SOX6: variants seen among roughly 807,000 people sequenced by gnomAD.
SOX6 encodes the protein SRY-box transcription factor 6.
SOX6 carries 11 observed loss-of-function variants against 97.8 expected under a neutral mutation model. The observed-to-expected ratio is 0.11, with a 90% CI of 0.07 to 0.19. SOX6 has a LOEUF of 0.19. Among genes scored for constraint, SOX6 ranks in the 10% least tolerant of loss-of-function variants. The probability of loss-of-function intolerance (pLI) is 1.00; values close to 1 mark genes in which losing one functional copy is unlikely to be tolerated. For synonymous variants in SOX6, 360 were observed against 371.4 expected (o/e 0.97, Z 0.35); for missense variants, 810 against 1,039.5 (o/e 0.78, Z 3.04).
At chr11:16,027,143 G>T (rs189264407) in intron 12 of SOX6, among the ~76,000 whole-genome samples, 1 of 151,988 alleles carries the variant, frequency 6.6e-6, no homozygotes, top group African/African-American at 2.4e-5. Flanking sequence ...CAAATGTAAC[G>T]ATAATACTCT....
chr11:16,461,917 T>C (rs1032824764), intron 1 of SOX6, among the ~76,000 whole-genome samples: 90 of 152,328 alleles, frequency 5.9e-4, no homozygotes, highest in Middle Eastern at 3.4e-3. Context: ...TTAATAATTA[T>C]GTCTAGACTC....
intron 2 of SOX6, among the ~76,000 whole-genome samples, chr11:16,721,710 C>T (rs1467695910): frequency 2.0e-5 from 3 of 148,792 alleles, no homozygotes; most frequent in Non-Finnish European, 4.4e-5. Flanking sequence ...TTGTAAGTTT[C>T]CTGAGGCCTC....
chr11:16,411,552 A>T (rs983179222), intron 1 of SOX6, among the ~76,000 whole-genome samples: 1 of 152,248 alleles, frequency 6.6e-6, no homozygotes, highest in Admixed American at 6.5e-5. Context: ...TAATGTTGGG[A>T]TTTTTAAGTA....
chr11:16,497,464 A>G (rs1223538001), intron 4 of SOX6, among the ~76,000 whole-genome samples: 1 of 152,190 alleles, frequency 6.6e-6, no homozygotes, highest in Non-Finnish European at 1.5e-5. Flanking sequence ...AAAGCTGGAC[A>G]GAGAATGACT....
At chr11:16,348,972 C>A (rs1856836582) in intron 1 of SOX6, among the ~76,000 whole-genome samples, 1 of 152,112 alleles carries the variant, frequency 6.6e-6, no homozygotes, top group African/African-American at 2.4e-5. Flanking sequence ...CACTCAGCAT[C>A]TAGAATTCTC....
intron 3 of SOX6, among the ~76,000 whole-genome samples, chr11:16,657,681 A>G (rs1043709551): frequency 3.3e-5 from 5 of 152,162 alleles, no homozygotes; most frequent in Admixed American, 3.3e-4. Context: ...AGCCATCCTA[A>G]TAAGTGTATA....
At chr11:16,658,401 T>C (rs1383339968) in intron 3 of SOX6, among the ~76,000 whole-genome samples, 1 of 152,180 alleles carries the variant, frequency 6.6e-6, no homozygotes, top group Admixed American at 6.5e-5. Context: ...CCTTTGTTGG[T>C]GATATGTATT....
At chr11:16,330,659 T>C (rs900694609) in intron 2 of SOX6, among the ~76,000 whole-genome samples, 4 of 152,184 alleles carry the variant, frequency 2.6e-5, no homozygotes, top group African/African-American at 7.2e-5. Flanking sequence ...GTACTCAAAC[T>C]ACCATATACA....
intron 4 of SOX6, among the ~76,000 whole-genome samples, chr11:16,209,899 A>G (rs559685804): frequency 6.6e-6 from 1 of 152,276 alleles, no homozygotes; most frequent in Non-Finnish European, 1.5e-5. Context: ...ACAAATTATT[A>G]TTGCTTTTTC....
chr11:16,158,789 T>C (rs1850667911), intron 6 of SOX6, among the ~76,000 whole-genome samples: 1 of 151,988 alleles, frequency 6.6e-6, no homozygotes, highest in Admixed American at 6.6e-5. Flanking sequence ...ACTTTTTCAA[T>C]TTATATTTGC....
intron 3 of SOX6, among the ~76,000 whole-genome samples, chr11:16,637,106 T>G (rs1229626896): frequency 6.6e-6 from 1 of 152,228 alleles, no homozygotes; most frequent in Non-Finnish European, 1.5e-5. Context: ...AACAAGCTTT[T>G]GGATTCTTGA....
intron 1 of SOX6, among the ~76,000 whole-genome samples, chr11:16,386,777 T>C (rs1858000880): frequency 6.6e-6 from 1 of 152,166 alleles, no homozygotes; most frequent in Non-Finnish European, 1.5e-5. Flanking sequence ...GGTCTCCCTT[T>C]TCCTTCATAG....
At chr11:16,537,576 G>C (rs1861329019) in intron 4 of SOX6, among the ~76,000 whole-genome samples, 1 of 152,038 alleles carries the variant, frequency 6.6e-6, no homozygotes, top group Admixed American at 6.6e-5. Context: ...TAAAAACCTT[G>C]AAAAAAGGTT....
chr11:16,468,945 C>T (rs1331279198), intron 1 of SOX6, among the ~76,000 whole-genome samples: 11 of 151,972 alleles, frequency 7.2e-5, no homozygotes, highest in African/African-American at 2.2e-4. Flanking sequence ...TGTTCCACCG[C>T]GCATGTTTCA....
intron 5 of SOX6, among the ~76,000 whole-genome samples, chr11:16,184,587 G>A (rs1009993616): frequency 1.3e-5 from 2 of 152,050 alleles, no homozygotes; most frequent in African/African-American, 4.8e-5. Context: ...TCATAGTACA[G>A]GATCTATATA....
chr11:16,078,083 T>C (rs1425771679), intron 9 of SOX6, among the ~76,000 whole-genome samples: 1 of 152,202 alleles, frequency 6.6e-6, no homozygotes, highest in Non-Finnish European at 1.5e-5. Context: ...AATTTGTAAT[T>C]TAGTTCTTGA....
At chr11:16,032,094 C>T (rs1855392810) in intron 12 of SOX6, among the ~76,000 whole-genome samples, 1 of 152,156 alleles carries the variant, frequency 6.6e-6, no homozygotes, top group Non-Finnish European at 1.5e-5. Context: ...GTAACTACTT[C>T]TTCCAAAGTC....
chr11:16,303,154 T>A (rs1318623953), intron 3 of SOX6, among the ~76,000 whole-genome samples: 1 of 152,196 alleles, frequency 6.6e-6, no homozygotes, highest in Admixed American at 6.5e-5. Flanking sequence ...TATATATGTA[T>A]GTTTTGTTTA....
intron 1 of SOX6, among the ~76,000 whole-genome samples, chr11:16,383,526 A>C (rs1287804481): frequency 6.6e-6 from 1 of 151,908 alleles, no homozygotes; most frequent in African/African-American, 2.4e-5. Context: ...AGGTATCTTT[A>C]TCTGTACAAT....
Sources: allele counts gnomAD v4.1 joint callset (sites outside exome capture counted in the v4.1 genomes callset), GRCh38; gene constraint gnomAD v4.1.1; transcripts MANE v1.5; gene names NCBI Gene and HGNC (gene_info 2026-07-23, HGNC 2026-07-21).